Variants in RAB6B observed in about 807,000 individuals in gnomAD.
RAB6B encodes the protein ras-related protein Rab-6B.
RAB6B carries 7 observed loss-of-function variants against 31.2 expected under a neutral mutation model. The observed-to-expected ratio is 0.22, with a 90% CI of 0.13 to 0.42. The LOEUF (loss-of-function observed/expected upper bound fraction) is 0.42. RAB6B is among the 10% of genes least tolerant of loss of function. The probability of loss-of-function intolerance (pLI) is 1.00; values close to 1 mark genes in which losing one functional copy is unlikely to be tolerated. For missense variants in RAB6B, 149 were observed against 280.6 expected, an observed-to-expected ratio of 0.53 and a Z score of 3.35; for synonymous variants, 105 against 104.9, an observed-to-expected ratio of 1.00 and a Z score of -0.01.
chr3:133,867,016 G>A (rs534001855), intron 1 of RAB6B, among the ~76,000 whole-genome samples: 43 of 152,326 alleles, frequency 2.8e-4, no homozygotes, highest in African/African-American at 9.9e-4. Context: ...AGAAAGCAGG[G>A]TCCCAAAAAG....
chr3:133,852,017 T>G (rs950029982), intron 2 of RAB6B, among the ~76,000 whole-genome samples: 2 of 117,812 alleles, frequency 1.7e-5, no homozygotes, highest in Admixed American at 1.6e-4. Context: ...AGCCACAAAG[T>G]TAGATCTACA....
At chr3:133,888,718 T>G (rs1048115985) in intron 1 of RAB6B, among the ~76,000 whole-genome samples, 1 of 152,214 alleles carries the variant, frequency 6.6e-6, no homozygotes, top group Admixed American at 6.5e-5. Flanking sequence ...GTTATGAAAA[T>G]AATGAAAACA....
At chr3:133,857,906 G>A (rs919145496) in intron 2 of RAB6B, among the ~76,000 whole-genome samples, 6 of 152,046 alleles carry the variant, frequency 3.9e-5, no homozygotes, top group South Asian at 2.1e-4. Context: ...TAGGGCCCTC[G>A]CTCACCTCCC....
chr3:133,841,497 G>A, intron 3 of RAB6B, 107 bp from the exon 4 acceptor site: 1 of 1,532,540 alleles, frequency 6.5e-7, no homozygotes, highest in Non-Finnish European at 9.0e-7. Context: ...GGCATCACCA[G>A]CTCCAGCCCC....
intron 6 of RAB6B, among the ~76,000 whole-genome samples, chr3:133,837,965 G>A (rs1935765608): frequency 2.6e-5 from 4 of 152,182 alleles, no homozygotes; most frequent in South Asian, 4.1e-4. Context: ...TGCCATGCCC[G>A]GAGTGGTCCC....
intron 1 of RAB6B, among the ~76,000 whole-genome samples, chr3:133,885,298 G>T (rs572901381): frequency 7.4e-5 from 11 of 148,072 alleles, no homozygotes; most frequent in Admixed American, 2.7e-4. Flanking sequence ...CCAATGACCA[G>T]AGTATAGGGG....
intron 2 of RAB6B, among the ~76,000 whole-genome samples, chr3:133,856,693 A>T (rs1268191498): frequency 6.6e-6 from 1 of 152,152 alleles, no homozygotes; most frequent in African/African-American, 2.4e-5. Context: ...GGCTTTAGTA[A>T]TCTTTCCTAA....
chr3:133,841,899 G>A (rs1420449404), intron 2 of RAB6B, among the ~76,000 whole-genome samples: 19 of 151,980 alleles, frequency 1.3e-4, no homozygotes, highest in Non-Finnish European at 2.8e-4. Flanking sequence ...TCTCTGGAGA[G>A]GGCAAGTGCT....
In RAB6B at chr3:133,895,787, G is replaced by GGCGCAGGGACGGC. The variant is rs1374022514; in HGVS notation, c.-334_-322dup. On this transcript the variant is annotated 5_prime_UTR_variant, in exon 1 of 8. Coordinates refer to ENST00000285208, the MANE Select transcript of RAB6B (RefSeq NM_016577.4). ...TGGGAGAGAGGCGCGGGCGGAGCGG[G>GGCGCAGGGACGGC]GCGCAGGGACGGCGCGCGGGGCGGA... 2.0e-5 allele frequency: 7 copies of GGCGCAGGGACGGC among 348,670 alleles called. No homozygotes were observed. The highest frequency in any genetic ancestry group is 3.6e-5 in the Non-Finnish European group (7 of 194,784). 21.6% of individuals were successfully genotyped at this position (348,670 alleles called of 1,614,324 possible).
chr3:133,879,681 G>A (rs1349188777), intron 1 of RAB6B, among the ~76,000 whole-genome samples: 13 of 152,206 alleles, frequency 8.5e-5, no homozygotes, highest in Admixed American at 8.5e-4. Context: ...AAAATCACCT[G>A]AGATCTGACC....
In RAB6B at chr3:133,845,018, A is replaced by T. The variant is rs72976354; in HGVS notation, c.130-3355T>A. ...AGAAAACTAGGCAGATTCTACATTA[A>T]ATCAATTTGCCTCCTGACGAAACTC... On this transcript the variant is annotated intron_variant, in intron 2 of 7. Transcript: ENST00000285208. Among the ~76,000 whole-genome samples the T allele has an allele frequency of 4.3e-3, 656 of 152,280 alleles. 4 individuals carry two copies. The highest frequency in any genetic ancestry group is 0.015 in the African/African-American group (628 of 41,552).
chr3:133,865,263 C>T (rs1381692381), intron 1 of RAB6B, among the ~76,000 whole-genome samples: 1 of 152,238 alleles, frequency 6.6e-6, no homozygotes, highest in East Asian at 1.9e-4. Context: ...TCCCCAGTCA[C>T]TGTGACAACT....
At chr3:133,875,855 C>G (rs948832236) in intron 1 of RAB6B, among the ~76,000 whole-genome samples, 1 of 152,168 alleles carries the variant, frequency 6.6e-6, no homozygotes, top group Non-Finnish European at 1.5e-5. Context: ...AACGCTGGTG[C>G]CAAGAGTCAA....
chr3:133,867,419 C>G (rs1474825541), intron 1 of RAB6B, among the ~76,000 whole-genome samples: 2 of 152,188 alleles, frequency 1.3e-5, no homozygotes, highest in Non-Finnish European at 2.9e-5. Context: ...GGTACCATAC[C>G]TCCCAGCCCT....
At chr3:133,895,276 T>G in intron 1 of RAB6B, 121 bp downstream of exon 1, 1 of 692,546 alleles carries the variant, frequency 1.4e-6, no homozygotes. Flanking sequence ...TCCCTGTCCC[T>G]CTCCTCTACC....
intron 6 of RAB6B, among the ~76,000 whole-genome samples, chr3:133,836,311 C>T (rs17376530): frequency 0.12 from 18,394 of 152,106 alleles, 1,200 homozygotes; most frequent in African/African-American, 0.13. Flanking sequence ...TGGCCCTGGG[C>T]GGCTCTGATC....
chr3:133,892,015 G>T (rs541752076), intron 1 of RAB6B, among the ~76,000 whole-genome samples: 9 of 152,194 alleles, frequency 5.9e-5, no homozygotes, highest in Non-Finnish European at 1.0e-4. Flanking sequence ...CACACACTGA[G>T]ATGTGCCAAG....
At chr3:133,832,055 T>C (rs1188638344) in intron 7 of RAB6B, among the ~76,000 whole-genome samples, 1 of 152,162 alleles carries the variant, frequency 6.6e-6, no homozygotes, top group African/African-American at 2.4e-5. Flanking sequence ...TTGAGCATGC[T>C]CTATCTGGTT....
At chr3:133,885,506 A>G (rs748592682) in intron 1 of RAB6B, 17 of 702,740 alleles carry the variant, frequency 2.4e-5, no homozygotes, top group Non-Finnish European at 4.2e-5. Flanking sequence ...CACACATCCA[A>G]TGACCAGAGG....
Sources: gnomAD v4.1 joint callset for allele counts (sites outside exome capture counted in the v4.1 genomes callset) on GRCh38, gnomAD v4.1.1 for gene constraint, MANE v1.5 for transcripts, NCBI Gene and HGNC (gene_info 2026-07-23, HGNC 2026-07-21) for gene names.